GAA: variants seen among roughly 807,000 people sequenced by gnomAD.
GAA encodes the protein lysosomal alpha-glucosidase.
GAA carries 88 observed loss-of-function variants against 103.9 expected under a neutral mutation model. That is an observed-to-expected ratio of 0.85 (90% CI 0.71 to 1.01). The LOEUF (loss-of-function observed/expected upper bound fraction) is 1.01. Ranked by LOEUF, GAA falls within the 50% of genes least tolerant of loss-of-function variation. The pLI is 0.00. For missense variants in GAA, 1,350 were observed against 1,305.3 expected (o/e 1.03, Z -0.53); for synonymous variants, 572 against 563.1 (o/e 1.02, Z -0.22).
rs1334464111 is a variant in GAA at position 80,107,903 on chromosome 17, T to C, written c.955+7T>C. ...CTAAACAGCAATGCCATGGGTAAGC[T>C]GCCCGCCGCCCAGCGCCCGGGCCGG... On this transcript the variant is annotated splice_region_variant and intron_variant, in intron 5 of 19. Transcript: ENST00000302262. 1.2e-6 allele frequency: 2 copies of C among 1,600,348 alleles called. No individual in the cohort carries two copies. The highest frequency in any genetic ancestry group is 2.3e-5 in the East Asian group (1 of 44,218).
chr17:80,110,706 C>T, intron 9 of GAA, 21 bp from the exon 10 acceptor site: 1 of 1,608,088 alleles, frequency 6.2e-7, no homozygotes, highest in Non-Finnish European at 8.5e-7. Flanking sequence ...GGTCTCCCCA[C>T]TGCAGCCTCT....
chr17:80,113,306 A>G lies in GAA; in HGVS notation c.2129A>G (p.Tyr710Cys). 1 of 1,599,514 alleles carries G rather than the reference A, an allele frequency of 6.3e-7. No individual in the cohort carries two copies. The highest frequency in any genetic ancestry group is 8.5e-7 in the Non-Finnish European group (1 of 1,173,330). The change falls in exon 15 of 20, where the codon TAC becomes TGC. Residue 710 changes from tyrosine to cysteine, a missense_variant. Coordinates refer to ENST00000302262, the MANE Select transcript of GAA (RefSeq NM_000152.5). ...CGCTACGCACTCCTCCCCCACCTCTACACACTGTTCCACCAGGCCCACGTC... is the reference window on the plus strand; with the variant it reads ...CGCTACGCACTCCTCCCCCACCTCTGCACACTGTTCCACCAGGCCCACGTC... ...TLRYALLPHL[Y>C]TLFHQAHVAG...
Position 80,104,509 on chromosome 17 carries a change from G to GCCGC in GAA, c.-32-43_-32-40dup. 1 of 1,390,492 alleles carries GCCGC rather than the reference G, an allele frequency of 7.2e-7. No homozygotes were observed. The highest frequency in any genetic ancestry group is 9.7e-7 in the Non-Finnish European group (1 of 1,027,650). The allele number at this position is 1,390,492 out of a possible 1,614,324, so 86.1% of individuals were successfully genotyped here. A position where few individuals can be genotyped will look rare whatever the true frequency, so the allele number is the denominator to read the frequency against. On this transcript the variant is annotated intron_variant, in intron 1 of 19. Coordinates refer to ENST00000302262, the MANE Select transcript of GAA (RefSeq NM_000152.5). This position sits in a 1 kb window ranked among gnomAD's most constrained non-coding sequence, Gnocchi z 4.0. ...GAGCTGCTTTGAGAGCCCCGTGAGTGCCGCCCCTCCCGCCTCCCTGCTGAG... is the reference window on the plus strand; with the variant it reads ...GAGCTGCTTTGAGAGCCCCGTGAGTGCCGCCCGCCCCTCCCGCCTCCCTGCTGAG...
chr17:80,102,326 C>G (rs1345689384), intron 1 of GAA: 1 of 152,214 alleles, frequency 6.6e-6, no homozygotes, highest in Non-Finnish European at 1.5e-5. Flanking sequence ...TGGTCTTTGT[C>G]CCTGGTTGCT....
chr17:80,119,171 G>T, intron 19 of GAA, 101 bp from the exon 20 acceptor site: 1 of 1,192,962 alleles, frequency 8.4e-7, no homozygotes, highest in Non-Finnish European at 1.3e-6. Context: ...GGGCCTCGCT[G>T]CTGCTGGGAT....
rs1405975877 is a variant in GAA at position 80,107,628 on chromosome 17, A to G, written c.764A>G (p.Gln255Arg). The G allele has an allele frequency of 5.6e-6, 9 of 1,613,172 alleles. No homozygotes were observed. The highest frequency in any genetic ancestry group is 3.3e-5 in the Admixed American group (2 of 60,026). ...FLQLSTSLPS[Q>R]YITGLAEHLS... ...CAGCTGTCCACCTCGCTGCCCTCGC[A>G]GTATATCACAGGCCTCGCCGAGCAC... is the stretch of plus-strand genomic sequence containing the variant. Residue 255 changes from glutamine (Q) to arginine (R), a missense_variant, in exon 4 of 20, where the codon CAG (glutamine) becomes CGG (arginine). Coordinates refer to ENST00000302262, the MANE Select transcript of GAA (RefSeq NM_000152.5).
At chr17:80,118,848 G>A (rs771420366) in intron 19 of GAA, 43 bp downstream of exon 19, 37 of 1,607,310 alleles carry the variant, frequency 2.3e-5, no homozygotes, top group African/African-American at 4.0e-5. Context: ...TCCCCCAGCC[G>A]TGGTGCAGGG....
In GAA at chr17:80,119,400, C is replaced by A; in HGVS notation, c.*69C>A. On this transcript the variant is annotated 3_prime_UTR_variant, in exon 20 of 20. Transcript: ENST00000302262. Reference sequence around the variant, plus strand: ...CAGGGAAGCAGAGCCTGTGTGCGGGCAGCAGCTGTGTGCGGGCCTGGGGGT... The same window carrying A: ...CAGGGAAGCAGAGCCTGTGTGCGGGAAGCAGCTGTGTGCGGGCCTGGGGGT... 2.2e-6 allele frequency: 3 copies of A among 1,378,594 alleles called. No individual in the cohort carries two copies. The highest frequency in any genetic ancestry group is 3.1e-6 in the Non-Finnish European group (3 of 966,336). The allele number at this position is 1,378,594 out of a possible 1,614,324, so 85.4% of individuals were successfully genotyped here.
In GAA at chr17:80,104,807, G is replaced by C. The variant is rs764797280; in HGVS notation, c.221G>C (p.Arg74Pro). ...CGGGATGCCCAGGCACACCCCGGCC[G>C]TCCCAGAGCAGTGCCCACACAGTGC... ...GPRDAQAHPG[R>P]PRAVPTQCDV... is the part of the protein sequence containing the mutation. Residue 74 changes from arginine (R) to proline (P), a missense_variant, in exon 2 of 20, where the codon CGT becomes CCT. Coordinates refer to ENST00000302262, the MANE Select transcript of GAA (RefSeq NM_000152.5). This position sits in a 1 kb window ranked among gnomAD's most constrained non-coding sequence, Gnocchi z 4.0. 6.2e-7 allele frequency: 1 copy of C among 1,612,056 alleles called. No homozygotes were observed. The highest frequency in any genetic ancestry group is 8.5e-7 in the Non-Finnish European group (1 of 1,179,674).
Position 80,104,640 on chromosome 17 carries a change from C to G in GAA, c.54C>G (p.Leu18=), listed in dbSNP as rs886053542. 4 of 1,613,188 alleles carry G rather than the reference C, an allele frequency of 2.5e-6. No homozygotes were observed. The highest frequency in any genetic ancestry group is 3.4e-6 in the Non-Finnish European group (4 of 1,179,968). ...ACCGGCTCCTGGCCGTCTGCGCCCT[C>G]GTGTCCTTGGCAACCGCTGCACTCC... ...CSHRLLAVCA[L]VSLATAALLG... Residue 18 remains leucine (L), a synonymous_variant, in exon 2 of 20, where the codon CTC becomes CTG. Transcript: ENST00000302262. The surrounding 1 kb of genome is among the most constrained non-coding windows in gnomAD (Gnocchi z 4.0).
rs1456154347 is a variant in GAA, at chr17:80,107,877, G to T, written c.936G>T (p.Leu312=). ...EDGGSAHGVF[L]LNSNAMDVVL... is the part of the protein sequence containing the mutation. ...GCGGGTCGGCACACGGGGTGTTCCTGCTAAACAGCAATGCCATGGGTAAGC... is the reference window on the plus strand; with the variant it reads ...GCGGGTCGGCACACGGGGTGTTCCTTCTAAACAGCAATGCCATGGGTAAGC... Residue 312 remains leucine (L), a synonymous_variant, in exon 5 of 20, where the codon CTG becomes CTT. Coordinates refer to ENST00000302262, the MANE Select transcript of GAA (RefSeq NM_000152.5). 1.2e-6 allele frequency: 2 copies of T among 1,610,926 alleles called. No individual in the cohort carries two copies. The highest frequency in any genetic ancestry group is 1.3e-5 in the African/African-American group (1 of 74,890).
intron 17 of GAA, 124 bp downstream of exon 17, chr17:80,117,873 G>A: frequency 9.7e-7 from 1 of 1,036,226 alleles, no homozygotes; most frequent in Non-Finnish European, 1.4e-6. Flanking sequence ...CCGCAGTGTA[G>A]GTTATCAAGG....
chr17:80,107,046 C>T (rs1376956005), intron 3 of GAA, among the ~76,000 whole-genome samples: 2 of 152,024 alleles, frequency 1.3e-5, no homozygotes, highest in African/African-American at 4.8e-5. Flanking sequence ...TAACAGAGGA[C>T]GCGTCTTCCT....
In GAA at chr17:80,104,838, C is replaced by A. The variant is rs775079960; in HGVS notation, c.252C>A (p.Val84=). 3.7e-6 allele frequency: 6 copies of A among 1,612,208 alleles called. No homozygotes were observed. The highest frequency in any genetic ancestry group is 1.3e-5 in the African/African-American group (1 of 74,900). ...RPRAVPTQCD[V]PPNSRFDCAP... is the part of the protein sequence containing the mutation. ...GAGCAGTGCCCACACAGTGCGACGT[C>A]CCCCCCAACAGCCGCTTCGATTGCG... is the stretch of plus-strand genomic sequence containing the variant. The change falls in exon 2 of 20, where the codon GTC becomes GTA. Residue 84 remains valine (V), a synonymous_variant. Coordinates refer to ENST00000302262, the MANE Select transcript of GAA (RefSeq NM_000152.5). This position sits in a 1 kb window ranked among gnomAD's most constrained non-coding sequence, Gnocchi z 4.0.
rs147327209 is a variant in GAA, at chr17:80,113,228, C to T, written c.2051C>T (p.Pro684Leu). 1.5e-4 allele frequency: 236 copies of T among 1,600,608 alleles called. No individual in the cohort carries two copies. The highest frequency in any genetic ancestry group is 1.9e-4 in the Non-Finnish European group (218 of 1,175,084). Reference sequence around the variant, plus strand: ...CCGCCTGCCCTGCAGCCCCAGGAGCCGTACAGCTTCAGCGAGCCGGCCCAG... The same window carrying T: ...CCGCCTGCCCTGCAGCCCCAGGAGCTGTACAGCTTCAGCGAGCCGGCCCAG... The part of the protein sequence containing the change: ...HNSLLSLPQE[P>L]YSFSEPAQQA... Residue 684 changes from proline (P) to leucine (L), a missense_variant, in exon 15 of 20, where the codon CCG becomes CTG. Pro to Leu is a moderately conservative substitution (Grantham distance 98). Coordinates refer to ENST00000302262, the MANE Select transcript of GAA (RefSeq NM_000152.5).
chr17:80,112,539 C>A (rs752331747), intron 12 of GAA, 39 bp from the exon 13 acceptor site: 7 of 1,611,986 alleles, frequency 4.3e-6, no homozygotes. Context: ...CGAGTGACCC[C>A]GCTCCACACA....
In GAA at chr17:80,109,993, G is replaced by C. The variant is rs535644999; in HGVS notation, c.1375G>C (p.Asp459His). The C allele has an allele frequency of 1.9e-5, 31 of 1,613,198 alleles. No individual in the cohort carries two copies. The highest frequency in any genetic ancestry group is 2.4e-5 in the Non-Finnish European group (28 of 1,179,920). The change falls in exon 9 of 20, where the codon GAC (aspartate) becomes CAC (histidine). Residue 459 changes from aspartate to histidine, a missense_variant. By Grantham distance (81) the Asp-to-His change is moderately conservative (BLOSUM62 -1). Coordinates refer to ENST00000302262, the MANE Select transcript of GAA (RefSeq NM_000152.5). ...SGPAGSYRPY[D>H]EGLRRGVFIT... ...CCCTGCCGGGAGCTACAGGCCCTACGACGAGGGTCTGCGGAGGGGGGTTTT... is the reference window on the plus strand; with the variant it reads ...CCCTGCCGGGAGCTACAGGCCCTACCACGAGGGTCTGCGGAGGGGGGTTTT...
chr17:80,111,606 G>A, intron 11 of GAA: 1 of 337,422 alleles, frequency 3.0e-6, no homozygotes, highest in South Asian at 3.1e-5. Flanking sequence ...GATGGGCCTG[G>A]GAGAAGGTTT....
intron 8 of GAA, among the ~76,000 whole-genome samples, chr17:80,109,394 G>A (rs995085954): frequency 1.9e-4 from 29 of 152,262 alleles, no homozygotes; most frequent in African/African-American, 7.0e-4. Flanking sequence ...CCAGAAGGAT[G>A]CAGTTTGGGG....
Sources: allele counts gnomAD v4.1 joint callset (sites outside exome capture counted in the v4.1 genomes callset), GRCh38; gene constraint gnomAD v4.1.1; non-coding constraint Gnocchi (gnomAD v3.1); transcripts MANE v1.5; gene names NCBI Gene and HGNC (gene_info 2026-07-23, HGNC 2026-07-21).